KIF26B: variants seen among roughly 807,000 people sequenced by gnomAD.
KIF26B encodes the protein kinesin-like protein KIF26B.
Under a neutral mutation model 151.2 loss-of-function variants are expected in KIF26B, and 63 were observed. That is an observed-to-expected ratio of 0.42 (90% confidence interval 0.34 to 0.51). The LOEUF is 0.51. KIF26B is among the 20% of genes least tolerant of loss of function. KIF26B has a pLI of 0.07. For synonymous variants in KIF26B, 1,357 were observed against 1,262.1 expected (o/e 1.08, Z -1.59); for missense variants, 2,813 against 2,913.6 (o/e 0.97, Z 0.79).
At chr1:245,325,720 A>T (rs1240970610) in intron 2 of KIF26B, among the ~76,000 whole-genome samples, 1 of 152,016 alleles carries the variant, frequency 6.6e-6, no homozygotes, top group Non-Finnish European at 1.5e-5. Context: ...TAAAAAAAAA[A>T]GGAAAAAAAA....
intron 4 of KIF26B, among the ~76,000 whole-genome samples, chr1:245,477,641 A>T (rs957956774): frequency 1.3e-5 from 2 of 151,782 alleles, no homozygotes; most frequent in Middle Eastern, 3.2e-3. Flanking sequence ...GTGTCTGGAT[A>T]TCTCTGAGGG....
At chr1:245,342,954 T>C (rs954638475) in intron 2 of KIF26B, among the ~76,000 whole-genome samples, 9 of 151,798 alleles carry the variant, frequency 5.9e-5, no homozygotes. Context: ...AGTGTGGTGG[T>C]GGGCGCCTGT....
rs1214303003 is a variant in KIF26B at position 245,516,087 on chromosome 1, TG to T, written c.1167-24679del. Among the ~76,000 whole-genome samples the T allele has an allele frequency of 6.6e-5, 10 of 152,242 alleles. No individual in the cohort carries two copies. The highest frequency in any genetic ancestry group is 5.9e-4 in the Admixed American group (9 of 15,292). ...TTTGGATTCTATTCTGCTTCTCCCC[TG>T]AGTTTGTTTTCACGGTGGGACTATC... is the stretch of plus-strand genomic sequence containing the variant. On this transcript the variant is annotated intron_variant, in intron 4 of 14. Coordinates refer to ENST00000407071, the MANE Select transcript of KIF26B (RefSeq NM_018012.4). The surrounding 1 kb of genome is among the most constrained non-coding windows in gnomAD (Gnocchi z 4.2).
intron 2 of KIF26B, among the ~76,000 whole-genome samples, chr1:245,310,988 C>G (rs143799143): frequency 2.6e-5 from 4 of 152,226 alleles, no homozygotes; most frequent in African/African-American, 9.6e-5. Context: ...ATTTCCTCAC[C>G]CCACCTCACT....
At chr1:245,553,870 C>T (rs1301231446) in intron 5 of KIF26B, among the ~76,000 whole-genome samples, 1 of 152,164 alleles carries the variant, frequency 6.6e-6, no homozygotes, top group Non-Finnish European at 1.5e-5. Context: ...AATGTTTAAA[C>T]TTCAGCTTTT....
chr1:245,688,381 C>G lies in KIF26B; in HGVS notation c.5398C>G (p.Pro1800Ala). 2.0e-6 allele frequency: 3 copies of G among 1,525,164 alleles called. No individual in the cohort carries two copies. The highest frequency in any genetic ancestry group is 2.6e-6 in the Non-Finnish European group (3 of 1,144,100). The allele number at this position is 1,525,164 out of a possible 1,614,324, so 94.5% of individuals were successfully genotyped here. Residue 1800 changes from proline to alanine, a missense_variant, in exon 12 of 15, where the codon CCC (proline) becomes GCC (alanine). By Grantham distance (27) the Pro-to-Ala change is conservative (BLOSUM62 -1). Coordinates refer to ENST00000407071, the MANE Select transcript of KIF26B (RefSeq NM_018012.4). Reference sequence around the variant, plus strand: ...GAGCTCGGGCCTGGCCTCCAAGCTTCCCCTGCGGGCCGTCAGCGGGCGCAT... The same window carrying G: ...GAGCTCGGGCCTGGCCTCCAAGCTTGCCCTGCGGGCCGTCAGCGGGCGCAT... ...NRSSGLASKL[P>A]LRAVSGRISE...
intron 3 of KIF26B, among the ~76,000 whole-genome samples, chr1:245,401,375 T>G (rs1673997262): frequency 6.6e-6 from 1 of 152,206 alleles, no homozygotes; most frequent in African/African-American, 2.4e-5. Flanking sequence ...AGATAACATA[T>G]TTATTCCTAG....
At chr1:245,465,176 C>T (rs1000988229) in intron 4 of KIF26B, among the ~76,000 whole-genome samples, 2 of 152,130 alleles carry the variant, frequency 1.3e-5, no homozygotes, top group Admixed American at 6.5e-5. Context: ...GACGGGGTTT[C>T]CCCATGTTGG....
At chr1:245,474,549 TTACA>T (rs1659990300) in intron 4 of KIF26B, among the ~76,000 whole-genome samples, 4 of 110,556 alleles carry the variant, frequency 3.6e-5, no homozygotes, top group Admixed American at 2.7e-4. Context: ...GTAGCTGGAA[TTACA>T]GGCATGCGCC....
In KIF26B at chr1:245,318,074, A is replaced by G. The variant is rs1298772602; in HGVS notation, c.466-48760A>G. Among the ~76,000 whole-genome samples, 2 of 152,206 alleles carry G rather than the reference A, an allele frequency of 1.3e-5. No individual in the cohort carries two copies. The highest frequency in any genetic ancestry group is 2.9e-5 in the Non-Finnish European group (2 of 68,042). On this transcript the variant is annotated intron_variant, in intron 2 of 14. Transcript: ENST00000407071. This position sits in a 1 kb window ranked among gnomAD's most constrained non-coding sequence, Gnocchi z 4.0. ...GAGGCACCCTCGTTTAGAAGCATAGATGATGCAAAAACATGGTTTCTCTTC... is the reference window on the plus strand; with the variant it reads ...GAGGCACCCTCGTTTAGAAGCATAGGTGATGCAAAAACATGGTTTCTCTTC...
chr1:245,158,790 G>A (rs1668486840), intron 2 of KIF26B, among the ~76,000 whole-genome samples: 1 of 152,014 alleles, frequency 6.6e-6, no homozygotes, highest in South Asian at 2.1e-4. Context: ...TGAGATGTGG[G>A]GCCTCAATTT....
chr1:245,242,833 G>A lies in KIF26B; in HGVS notation c.465+86150G>A, dbSNP rs186158780. ...CAACTGGCTAATTTTTGTATTTTTA[G>A]CAGAGACGGGGTTTCACCATGTTGC... On this transcript the variant is annotated intron_variant, in intron 2 of 14. Transcript: ENST00000407071. Among the ~76,000 whole-genome samples the A allele has an allele frequency of 9.2e-5, 14 of 152,168 alleles. 1 individual carries two copies. In the East Asian group the frequency reaches 2.3e-3, roughly 25 times the overall value.
At chr1:245,585,790 TTGAC>T (rs1378575856) in intron 5 of KIF26B, among the ~76,000 whole-genome samples, 1 of 152,226 alleles carries the variant, frequency 6.6e-6, no homozygotes, top group Non-Finnish European at 1.5e-5. Context: ...CATTTGTTGG[TTGAC>T]TGATTCATTA....
intron 2 of KIF26B, among the ~76,000 whole-genome samples, chr1:245,226,618 C>T (rs1669882472): frequency 2.0e-5 from 3 of 152,124 alleles, no homozygotes; most frequent in Admixed American, 6.5e-5. Context: ...CATGCACCAC[C>T]ACGCCCGGCT....
intron 2 of KIF26B, among the ~76,000 whole-genome samples, chr1:245,163,976 G>A (rs949223422): frequency 2.0e-5 from 3 of 152,056 alleles, no homozygotes; most frequent in Non-Finnish European, 4.4e-5. Flanking sequence ...ATGCCTCTAA[G>A]TGTTTTCTCT....
At chr1:245,547,005 T>C (rs1209107243) in intron 5 of KIF26B, among the ~76,000 whole-genome samples, 1 of 152,258 alleles carries the variant, frequency 6.6e-6, no homozygotes, top group African/African-American at 2.4e-5. Flanking sequence ...CTTCGCGGTT[T>C]CTTTTTTCCC....
At chr1:245,208,413 TTCTC>T (rs1446858981) in intron 2 of KIF26B, among the ~76,000 whole-genome samples, 1 of 152,136 alleles carries the variant, frequency 6.6e-6, no homozygotes, top group East Asian at 1.9e-4. Flanking sequence ...TCAGGGGTGT[TTCTC>T]TCTCTAAGGA....
At chr1:245,420,871 A>C (rs1286232939) in intron 4 of KIF26B, among the ~76,000 whole-genome samples, 2 of 152,206 alleles carry the variant, frequency 1.3e-5, no homozygotes, top group Non-Finnish European at 2.9e-5. Context: ...TCTGATTAGG[A>C]CAGCGGCAAG....
chr1:245,370,355 A>G (rs578118680), intron 3 of KIF26B, among the ~76,000 whole-genome samples: 1 of 149,666 alleles, frequency 6.7e-6, no homozygotes, highest in Non-Finnish European at 1.5e-5. Flanking sequence ...TGCAAAAGTC[A>G]TTGCGGTTTT....
Sources: gnomAD v4.1 joint callset for allele counts (sites outside exome capture counted in the v4.1 genomes callset) on GRCh38, gnomAD v4.1.1 for gene constraint, Gnocchi (gnomAD v3.1) non-coding constraint, MANE v1.5 for transcripts, NCBI Gene and HGNC (gene_info 2026-07-23, HGNC 2026-07-21) for gene names.